The following FLYWCH1 variants were observed in gnomAD, a reference collection of about 807,000 sequenced individuals.
FLYWCH1 encodes FLYWCH-type zinc finger-containing protein 1.
In FLYWCH1, 75 loss-of-function variants were observed where a neutral mutation model predicts 66.4. That is an observed-to-expected ratio of 1.13 (90% CI 0.94 to 1.37). The LOEUF (loss-of-function observed/expected upper bound fraction) is 1.37. Among genes scored for constraint, FLYWCH1 ranks in the 40% most tolerant of loss-of-function variants. FLYWCH1 has a pLI of 0.00. For synonymous variants in FLYWCH1, 595 were observed against 429.9 expected, an observed-to-expected ratio of 1.38 and a Z score of -4.75; for missense variants, 1,334 against 1,001.8, an observed-to-expected ratio of 1.33 and a Z score of -4.48.
At chr16:2,929,248 T>A (rs1567330145) in intron 2 of FLYWCH1, among the ~76,000 whole-genome samples, 1 of 152,220 alleles carries the variant, frequency 6.6e-6, no homozygotes, top group East Asian at 1.9e-4. Flanking sequence ...ACTGGGTCAA[T>A]AAGAACGTTC....
intron 7 of FLYWCH1, among the ~76,000 whole-genome samples, chr16:2,937,684 C>T (rs140453097): frequency 1.4e-3 from 218 of 152,274 alleles, no homozygotes; most frequent in Non-Finnish European, 2.7e-3. Flanking sequence ...GCTGACGGGC[C>T]GTACGGTGGA....
At chr16:2,945,808 T>A (rs546693290) in intron 9 of FLYWCH1, among the ~76,000 whole-genome samples, 1 of 151,952 alleles carries the variant, frequency 6.6e-6, no homozygotes, top group Non-Finnish European at 1.5e-5. Context: ...CCATCCTGGC[T>A]AACATGGTGA....
intron 9 of FLYWCH1, among the ~76,000 whole-genome samples, chr16:2,944,036 C>T (rs1276735497): frequency 6.6e-6 from 1 of 151,890 alleles, no homozygotes; most frequent in Non-Finnish European, 1.5e-5. Context: ...GTTGAGGCTG[C>T]AGTGAGCTGT....
At chr16:2,931,001 T>C in intron 4 of FLYWCH1, 121 bp downstream of exon 4, 1 of 801,120 alleles carries the variant, frequency 1.2e-6, no homozygotes, top group Non-Finnish European at 1.9e-6. Flanking sequence ...AAAGCTAAAA[T>C]GACTTTTAAA....
At chr16:2,945,630 C>T (rs1267749088) in intron 9 of FLYWCH1, among the ~76,000 whole-genome samples, 3 of 108,974 alleles carry the variant, frequency 2.8e-5, no homozygotes, top group Admixed American at 9.1e-5. Flanking sequence ...AAGACTACAT[C>T]TCAAAAAAAA....
intron 6 of FLYWCH1, chr16:2,936,844 G>A (rs1038542024): frequency 1.4e-5 from 9 of 622,188 alleles, no homozygotes; most frequent in Admixed American, 4.3e-5. Flanking sequence ...GACGAGTGAC[G>A]CAGCAGACAC....
rs547898034 is a variant in FLYWCH1, at chr16:2,934,072, A to G, written c.1513+93A>G. 632 of 1,377,182 alleles carry G rather than the reference A, an allele frequency of 4.6e-4. 2 individuals are homozygous for G. Among genetic ancestry groups the G allele is most frequent in the South Asian group, 1.6e-3 (110 of 67,708 alleles). The allele number at this position is 1,377,182 out of a possible 1,614,324, so 85.3% of individuals were successfully genotyped here. On this transcript the variant is annotated intron_variant, in intron 6 of 9. Coordinates refer to ENST00000253928, the MANE Select transcript of FLYWCH1 (RefSeq NM_001308068.2). ...TCCATGCTGCGGCTCCCCCTGGCAA[A>G]CGTCCTCTTCCCTTCTTTGAACATC...
chr16:2,937,253 G>T lies in FLYWCH1; in HGVS notation c.1646G>T (p.Arg549Leu). Residue 549 changes from arginine (R) to leucine (L), a missense_variant, in exon 7 of 10, where the codon CGC becomes CTC. Arg to Leu is a moderately radical substitution (Grantham distance 102). Coordinates refer to ENST00000253928, the MANE Select transcript of FLYWCH1 (RefSeq NM_001308068.2). ...TCRDQARMGCRSRAITQGRRV... is the reference protein window; with the variant it reads ...TCRDQARMGCLSRAITQGRRV... Reference sequence around the variant, plus strand: ...CGGGACCAGGCCCGCATGGGCTGCCGCAGCCGCGCCATCACCCAGGGCCGG... The same window carrying T: ...CGGGACCAGGCCCGCATGGGCTGCCTCAGCCGCGCCATCACCCAGGGCCGG... 6.2e-7 allele frequency: 1 copy of T among 1,606,110 alleles called. No homozygotes were observed. The highest frequency in any genetic ancestry group is 2.2e-5 in the East Asian group (1 of 44,598).
intron 4 of FLYWCH1, 142 bp downstream of exon 4, chr16:2,931,022 T>C (rs1596373170): frequency 1.4e-5 from 10 of 736,032 alleles, no homozygotes; most frequent in Middle Eastern, 3.9e-4. Flanking sequence ...AATATAAATG[T>C]GGCCGGGCAC....
At chr16:2,916,087 C>G (rs2070157974) in intron 2 of FLYWCH1, among the ~76,000 whole-genome samples, 1 of 152,138 alleles carries the variant, frequency 6.6e-6, no homozygotes, top group Admixed American at 6.6e-5. Context: ...TGGCTCACAC[C>G]TGTAATCCCA....
chr16:2,914,349 T>G (rs1030109390), intron 2 of FLYWCH1, 60 bp downstream of exon 2: 3 of 152,358 alleles, frequency 2.0e-5, no homozygotes, highest in East Asian at 1.9e-4. Flanking sequence ...CCTTACTGAT[T>G]AGAGTTTGGA....
chr16:2,949,083 C>T lies in FLYWCH1; in HGVS notation c.*356C>T. 2.9e-6 allele frequency: 1 copy of T among 343,756 alleles called. No homozygotes were observed. The highest frequency in any genetic ancestry group is 5.6e-6 in the Non-Finnish European group (1 of 179,600). 21.3% of individuals were successfully genotyped at this position (343,756 alleles called of 1,614,324 possible). ...GAGCACGCAGCCTTCCTAGGGCTTT[C>T]CACCTGGCGAGGCCCCGCTCTGCTC... On this transcript the variant is annotated 3_prime_UTR_variant, in exon 10 of 10. Coordinates refer to ENST00000253928, the MANE Select transcript of FLYWCH1 (RefSeq NM_001308068.2).
At chr16:2,945,823 C>A (rs1422387878) in intron 9 of FLYWCH1, among the ~76,000 whole-genome samples, 1 of 151,806 alleles carries the variant, frequency 6.6e-6, no homozygotes, top group Non-Finnish European at 1.5e-5. Flanking sequence ...TGGTGAAATC[C>A]CATCTCTACT....
intron 2 of FLYWCH1, among the ~76,000 whole-genome samples, chr16:2,927,325 C>A (rs949723650): frequency 6.6e-6 from 1 of 152,138 alleles, no homozygotes; most frequent in Non-Finnish European, 1.5e-5. Context: ...ATTTTACAAT[C>A]GGTACCGGCC....
intron 2 of FLYWCH1, among the ~76,000 whole-genome samples, chr16:2,919,339 C>T (rs1292408133): frequency 6.6e-6 from 1 of 150,934 alleles, no homozygotes; most frequent in Non-Finnish European, 1.5e-5. Flanking sequence ...GGTCTCGGCT[C>T]ACTGCAACCT....
chr16:2,940,179 T>C lies in FLYWCH1; in HGVS notation c.2111+87T>C. On this transcript the variant is annotated intron_variant, in intron 9 of 9. Coordinates refer to ENST00000253928, the MANE Select transcript of FLYWCH1 (RefSeq NM_001308068.2). ...ACAACAAATATTTGCTGTCTCAGCT[T>C]TTGTGGGTCAACATTATGGGAGTGG... is the stretch of plus-strand genomic sequence containing the variant. The C allele has an allele frequency of 4.2e-6, 3 of 719,840 alleles. No homozygotes were observed. In the Admixed American group the frequency reaches 6.4e-5, roughly 15 times the overall value. 44.6% of individuals were successfully genotyped at this position (719,840 alleles called of 1,614,324 possible). A position where few individuals can be genotyped will look rare whatever the true frequency, so the allele number is the denominator to read the frequency against.
intron 9 of FLYWCH1, among the ~76,000 whole-genome samples, chr16:2,947,103 A>G (rs781744352): frequency 2.6e-5 from 4 of 152,238 alleles, no homozygotes; most frequent in Non-Finnish European, 4.4e-5. Flanking sequence ...ATGTCCATCA[A>G]TGAATGAAAT....
chr16:2,937,849 G>A (rs1316137465), intron 7 of FLYWCH1, among the ~76,000 whole-genome samples: 1 of 147,650 alleles, frequency 6.8e-6, no homozygotes, highest in Non-Finnish European at 1.5e-5. Flanking sequence ...GGAGCCAGGA[G>A]GCCCTGGTGC....
At chr16:2,948,627 G>A in intron 9 of FLYWCH1, 61 bp from the exon 10 acceptor site, 1 of 1,544,510 alleles carries the variant, frequency 6.5e-7, no homozygotes, top group Non-Finnish European at 8.9e-7. Context: ...TGAACTTTCT[G>A]TGTTATCTAT....
Sources: gnomAD v4.1 joint callset for allele counts (sites outside exome capture counted in the v4.1 genomes callset) on GRCh38, gnomAD v4.1.1 for gene constraint, MANE v1.5 for transcripts, NCBI Gene and HGNC (gene_info 2026-07-23, HGNC 2026-07-21) for gene names.